The following ZNF423 variants were observed in gnomAD, a reference collection of about 807,000 sequenced individuals.
The protein encoded by ZNF423 is Ebf-associated zinc finger protein.
A neutral mutation model predicts 95.8 loss-of-function variants in ZNF423; 12 were observed. The observed-to-expected ratio is 0.13, with a 90% CI of 0.08 to 0.20. The LOEUF (loss-of-function observed/expected upper bound fraction) is 0.20. Ranked by LOEUF, ZNF423 falls within the 10% of genes least tolerant of loss-of-function variation. ZNF423 has a pLI of 1.00. For missense variants in ZNF423, 1,316 were observed against 1,737.1 expected (o/e 0.76, Z 4.31); for synonymous variants, 749 against 711.9 (o/e 1.05, Z -0.83).
intron 3 of ZNF423, among the ~76,000 whole-genome samples, chr16:49,703,253 T>G (rs572970608): frequency 6.9e-4 from 105 of 152,350 alleles, no homozygotes; most frequent in African/African-American, 2.5e-3. Context: ...ATTTATTCTT[T>G]TTGAACTGTA....
At chr16:49,835,393 G>T (rs981824835) in intron 1 of ZNF423, among the ~76,000 whole-genome samples, 1 of 152,204 alleles carries the variant, frequency 6.6e-6, no homozygotes, top group African/African-American at 2.4e-5. Context: ...GGGAAGAAGG[G>T]TGAGCATGGG....
intron 2 of ZNF423, chr16:49,780,622 C>G (rs2034195841): frequency 6.6e-6 from 1 of 152,132 alleles, no homozygotes; most frequent in Non-Finnish European, 1.5e-5. Context: ...AGAGGGGGAG[C>G]AGCTCTAACA....
At chr16:49,634,069 C>G (rs1427536318) in intron 4 of ZNF423, among the ~76,000 whole-genome samples, 1 of 151,828 alleles carries the variant, frequency 6.6e-6, no homozygotes, top group Non-Finnish European at 1.5e-5. Context: ...ACTATGCCCA[C>G]CTAAATTTTT....
At chr16:49,712,069 T>C (rs978693798) in intron 3 of ZNF423, among the ~76,000 whole-genome samples, 2 of 152,204 alleles carry the variant, frequency 1.3e-5, no homozygotes, top group African/African-American at 4.8e-5. Flanking sequence ...GTGAGCTATG[T>C]TCACACCACT....
At chr16:49,786,779 A>T (rs1308417176) in intron 2 of ZNF423, among the ~76,000 whole-genome samples, 1 of 152,168 alleles carries the variant, frequency 6.6e-6, no homozygotes, top group African/African-American at 2.4e-5. Flanking sequence ...TCTTTCCCTC[A>T]TCTGTCAAAT....
intron 7 of ZNF423, among the ~76,000 whole-genome samples, chr16:49,513,336 G>A (rs1438979479): frequency 6.6e-6 from 1 of 152,212 alleles, no homozygotes; most frequent in African/African-American, 2.4e-5. Context: ...CTCTAAAGCA[G>A]GAAGGAGGAA....
intron 2 of ZNF423, among the ~76,000 whole-genome samples, chr16:49,739,551 GGT>G (rs906666957): frequency 7.2e-5 from 11 of 152,140 alleles, no homozygotes; most frequent in African/African-American, 2.2e-4. Context: ...TCCGTGAAGG[GGT>G]GTGATCAGCT....
At position 49,492,298 on chromosome 16, in the gene ZNF423, C is replaced by T. The variant is rs186642988; in HGVS notation, c.3850-994G>A. Among the ~76,000 whole-genome samples, 458 of 152,312 alleles carry T rather than the reference C, an allele frequency of 3.0e-3. 3 individuals carry two copies. Among genetic ancestry groups the T allele is most frequent in the South Asian group, 0.015 (71 of 4,834 alleles). On this transcript the variant is annotated intron_variant, in intron 7 of 7. Coordinates refer to ENST00000563137, the MANE Select transcript of ZNF423 (RefSeq NM_001379286.1). The surrounding 1 kb of genome is among the most constrained non-coding windows in gnomAD (Gnocchi z 4.2). ...GGTGTAGGGTGGCCCTGTTTGGGGC[C>T]GCACAGGACCCTAGATCCCCGGGAG...
chr16:49,641,368 AC>A (rs755244167), intron 3 of ZNF423, among the ~76,000 whole-genome samples: 24 of 152,144 alleles, frequency 1.6e-4, no homozygotes, highest in Non-Finnish European at 4.4e-5. Context: ...GGTCCTCAGG[AC>A]TTGATCTCCT....
Position 49,637,847 on chromosome 16 carries a change from G to T in ZNF423, c.1329C>A (p.Asp443Glu), listed in dbSNP as rs753736587. ...GACATGTGTGGCTCTGCTGGGGCTTGTCCGCGTGGATGGTCTTCAGGTGGA... is the reference window on the plus strand; with the variant it reads ...GACATGTGTGGCTCTGCTGGGGCTTTTCCGCGTGGATGGTCTTCAGGTGGA... ...LEIHLKTIHA[D>E]KPQQSHTCQI... The change falls in exon 4 of 8, where the codon GAC becomes GAA. Residue 443 changes from aspartate (D) to glutamate (E), a missense_variant. Physicochemically the swap from Asp to Glu is conservative, Grantham distance 45. Around this residue, in one of 6 missense-constraint regions of ZNF423, gnomAD observed 399 missense variants for 478.5 expected, o/e 0.83. Transcript: ENST00000563137. The surrounding 1 kb of genome is among the most constrained non-coding windows in gnomAD (Gnocchi z 5.6). 1 of 1,614,192 alleles carries T rather than the reference G, an allele frequency of 6.2e-7. No homozygotes were observed. Among genetic ancestry groups the T allele is most frequent in the East Asian group, 2.2e-5 (1 of 44,882 alleles).
intron 1 of ZNF423, among the ~76,000 whole-genome samples, chr16:49,831,486 T>A (rs2035060366): frequency 6.6e-6 from 1 of 152,174 alleles, no homozygotes; most frequent in Non-Finnish European, 1.5e-5. Context: ...AGCCTCAGTT[T>A]CCTCACCTAT....
chr16:49,707,085 C>T (rs1019630060), intron 3 of ZNF423, among the ~76,000 whole-genome samples: 11 of 152,174 alleles, frequency 7.2e-5, no homozygotes, highest in Admixed American at 2.0e-4. Context: ...CCATGGCCTG[C>T]GAGGCACTAT....
intron 5 of ZNF423, among the ~76,000 whole-genome samples, chr16:49,615,896 A>G (rs541337181): frequency 6.6e-5 from 10 of 152,312 alleles, no homozygotes; most frequent in East Asian, 3.9e-4. Context: ...AAATGCTTTG[A>G]TGAGACTTTG....
At chr16:49,771,182 T>G (rs1376020425) in intron 2 of ZNF423, among the ~76,000 whole-genome samples, 1 of 147,930 alleles carries the variant, frequency 6.8e-6, no homozygotes, top group Non-Finnish European at 1.5e-5. Context: ...TGAATTTCTT[T>G]TTTTTTTTTC....
intron 5 of ZNF423, among the ~76,000 whole-genome samples, chr16:49,608,439 TG>T (rs759187534): frequency 3.3e-5 from 5 of 152,226 alleles, no homozygotes; most frequent in Non-Finnish European, 7.3e-5. Context: ...GGTTCTCAGT[TG>T]CCTGTGCTGC....
intron 2 of ZNF423, among the ~76,000 whole-genome samples, chr16:49,782,025 G>A (rs2034220836): frequency 6.6e-6 from 1 of 152,248 alleles, no homozygotes; most frequent in East Asian, 1.9e-4. Flanking sequence ...CCTGCAGAGA[G>A]CCTGGCCCAG....
chr16:49,720,677 T>G (rs190052270), intron 3 of ZNF423, among the ~76,000 whole-genome samples: 1 of 152,352 alleles, frequency 6.6e-6, no homozygotes, highest in East Asian at 1.9e-4. Context: ...AGCAAAAGTA[T>G]TGGTTATCAA....
chr16:49,680,763 G>A (rs2031318529), intron 3 of ZNF423, among the ~76,000 whole-genome samples: 1 of 152,236 alleles, frequency 6.6e-6, no homozygotes. Flanking sequence ...CTCTGCACCT[G>A]GATCACCCTT....
chr16:49,615,130 T>TCACACACACACACACACACACACACA (rs61428028), intron 5 of ZNF423, among the ~76,000 whole-genome samples: 13 of 141,248 alleles, frequency 9.2e-5, no homozygotes, highest in African/African-American at 3.5e-4. Context: ...AAACTCCATC[T>TCACACACACACACACACACACACACA]CACACACACA....
Sources: allele counts gnomAD v4.1 joint callset (sites outside exome capture counted in the v4.1 genomes callset), GRCh38; gene constraint gnomAD v4.1.1; regional missense constraint gnomAD v4.1.1; non-coding constraint Gnocchi (gnomAD v3.1); transcripts MANE v1.5; gene names NCBI Gene and HGNC (gene_info 2026-07-23, HGNC 2026-07-21).